RAP1B: variants seen among roughly 807,000 people sequenced by gnomAD.
The protein encoded by RAP1B is RAP1B, member of RAS oncogene family.
In RAP1B, 1 loss-of-function variant was observed where a neutral mutation model predicts 27.5. That is an observed-to-expected ratio of 0.04 (90% confidence interval 0.01 to 0.17). RAP1B has a LOEUF of 0.17. Among genes scored for constraint, RAP1B ranks in the 10% least tolerant of loss-of-function variants. The pLI, the probability that RAP1B is intolerant of heterozygous loss-of-function variation, is 1.00. For synonymous variants in RAP1B, 75 were observed against 73.1 expected (o/e 1.03, Z -0.13); for missense variants, 84 against 214.8 (o/e 0.39, Z 3.81).
chr12:68,642,746 T>C, intron 1 of RAP1B: 1 of 1,074,674 alleles, frequency 9.3e-7, no homozygotes, highest in Non-Finnish European at 1.5e-6. Context: ...AGTATATTTA[T>C]CCTCTGGCAC....
In RAP1B at chr12:68,653,397, A is replaced by G. The variant is rs189294182; in HGVS notation, c.184-715A>G. Among the ~76,000 whole-genome samples, 163 of 152,314 alleles carry G rather than the reference A, an allele frequency of 1.1e-3. 2 individuals are homozygous for G. In the East Asian group the frequency reaches 0.026, roughly 24 times the overall value. Reference sequence around the variant, plus strand: ...TACCTTCAAATGCTCACAGTCTAGCAAAGAAAAAGTAGTGTGGGAAAATGG... The same window carrying G: ...TACCTTCAAATGCTCACAGTCTAGCGAAGAAAAAGTAGTGTGGGAAAATGG... On this transcript the variant is annotated intron_variant, in intron 4 of 7. Coordinates refer to ENST00000250559, the MANE Select transcript of RAP1B (RefSeq NM_001010942.3).
chr12:68,643,448 T>A (rs1037920856), intron 1 of RAP1B, among the ~76,000 whole-genome samples: 1 of 152,204 alleles, frequency 6.6e-6, no homozygotes, highest in African/African-American at 2.4e-5. Context: ...ACATTGAGTA[T>A]TTCTTTTTCT....
intron 1 of RAP1B, among the ~76,000 whole-genome samples, chr12:68,632,298 TA>T (rs1186953159): frequency 6.6e-6 from 1 of 152,182 alleles, no homozygotes; most frequent in East Asian, 1.9e-4. Flanking sequence ...CATACCCGGC[TA>T]ACTTTTGTAT....
At position 68,670,728 on chromosome 12, in the gene RAP1B, A is replaced by G. The variant is rs1875053436; in HGVS notation, c.*11479A>G. On this transcript the variant is annotated 3_prime_UTR_variant, in exon 8 of 8. Coordinates refer to ENST00000250559, the MANE Select transcript of RAP1B (RefSeq NM_001010942.3). ...AAATTTGGGAAAGTATAGCACAGATAAAAGATTAAACTATTCACGGCCAGG... is the reference window on the plus strand; with the variant it reads ...AAATTTGGGAAAGTATAGCACAGATGAAAGATTAAACTATTCACGGCCAGG... The G allele has an allele frequency of 6.6e-6, 1 of 152,226 alleles. No homozygotes were observed. Among genetic ancestry groups the G allele is most frequent in the Non-Finnish European group, 1.5e-5 (1 of 68,036 alleles). The allele number at this position is 152,226 out of a possible 1,614,324, so 9.4% of individuals were successfully genotyped here.
At chr12:68,618,829 A>C (rs998125135) in intron 1 of RAP1B, among the ~76,000 whole-genome samples, 8 of 152,194 alleles carry the variant, frequency 5.3e-5, no homozygotes, top group African/African-American at 1.9e-4. Context: ...TCTTTAATAT[A>C]CTGTAACAAA....
chr12:68,648,932 T>A, intron 2 of RAP1B, 151 bp downstream of exon 2: 1 of 692,052 alleles, frequency 1.4e-6, no homozygotes, highest in Non-Finnish European at 2.4e-6. Context: ...TATTCAACTT[T>A]TAATTATATC....
At chr12:68,656,956 C>A in intron 6 of RAP1B, 145 bp from the exon 7 acceptor site, 1 of 717,858 alleles carries the variant, frequency 1.4e-6, no homozygotes. Flanking sequence ...GCAGTTATAA[C>A]ACCTGATTTT....
intron 1 of RAP1B, among the ~76,000 whole-genome samples, chr12:68,611,981 C>T (rs1255458981): frequency 2.6e-5 from 4 of 152,128 alleles, no homozygotes; most frequent in African/African-American, 9.7e-5. Flanking sequence ...GTTTCCTTCC[C>T]CTTCGCTTTC....
rs533752087 is a variant in RAP1B at position 68,663,836 on chromosome 12, C to T, written c.*4587C>T. 2.6e-5 allele frequency: 4 copies of T among 152,258 alleles called. No individual in the cohort carries two copies. The highest frequency in any genetic ancestry group is 1.9e-4 in the East Asian group (1 of 5,190). The allele number at this position is 152,258 out of a possible 1,614,324, so 9.4% of individuals were successfully genotyped here. On this transcript the variant is annotated 3_prime_UTR_variant, in exon 8 of 8. Coordinates refer to ENST00000250559, the MANE Select transcript of RAP1B (RefSeq NM_001010942.3). ...AGGTACAGCAGGGATTTTCTGCCCA[C>T]GTGGGGAAAACACACAGCAAATGAA...
Position 68,667,159 on chromosome 12 carries a change from A to T in RAP1B, c.*7910A>T, listed in dbSNP as rs896318035. ...ACTTTTCTTTTTCATTTTCAGACAT[A>T]TCCAGAGGGTTTTCTCTTCATCTCA... On this transcript the variant is annotated 3_prime_UTR_variant, in exon 8 of 8. Transcript: ENST00000250559. 5.9e-5 allele frequency: 9 copies of T among 152,200 alleles called. No individual in the cohort carries two copies. Among genetic ancestry groups the T allele is most frequent in the South Asian group, 2.1e-4 (1 of 4,828 alleles). The allele number at this position is 152,200 out of a possible 1,614,324, so 9.4% of individuals were successfully genotyped here. A position where few individuals can be genotyped will look rare whatever the true frequency, so the allele number is the denominator to read the frequency against.
chr12:68,644,943 A>C (rs1267188899), intron 1 of RAP1B, among the ~76,000 whole-genome samples: 1 of 151,912 alleles, frequency 6.6e-6, no homozygotes, highest in Non-Finnish European at 1.5e-5. Context: ...CAGTGATCCA[A>C]CCGCCTCGGC....
chr12:68,657,768 A>AGTG (rs1874318606), intron 7 of RAP1B: 3 of 125,922 alleles, frequency 2.4e-5, no homozygotes, highest in South Asian at 2.6e-4. Flanking sequence ...ACACACACAC[A>AGTG]CACACGTGCG....
Position 68,661,044 on chromosome 12 carries a change from T to TA in RAP1B, c.*1801dup, listed in dbSNP as rs1294518602. 6.6e-6 allele frequency: 1 copy of TA among 152,190 alleles called. No homozygotes were observed. The highest frequency in any genetic ancestry group is 1.5e-5 in the Non-Finnish European group (1 of 68,024). The allele number at this position is 152,190 out of a possible 1,614,324, so 9.4% of individuals were successfully genotyped here. ...AACTTTTTAAAAATTGTAAAGCTCT[T>TA]AAAAAACTTTTTGAAAGTATTTGCC... On this transcript the variant is annotated 3_prime_UTR_variant, in exon 8 of 8. Transcript: ENST00000250559.
Position 68,662,553 on chromosome 12 carries a change from C to T in RAP1B, c.*3304C>T, listed in dbSNP as rs1874658023. ...GGACAGCAAACTTAGAATCGAAACT[C>T]ATCACTACAACTTTTCTTTGAGTTA... On this transcript the variant is annotated 3_prime_UTR_variant, in exon 8 of 8. Coordinates refer to ENST00000250559, the MANE Select transcript of RAP1B (RefSeq NM_001010942.3). 6.6e-6 allele frequency: 1 copy of T among 151,812 alleles called. No individual in the cohort carries two copies. Among genetic ancestry groups the T allele is most frequent in the Admixed American group, 6.6e-5 (1 of 15,242 alleles). The allele number at this position is 151,812 out of a possible 1,614,324, so 9.4% of individuals were successfully genotyped here.
At chr12:68,629,953 A>G (rs139795695) in intron 1 of RAP1B, among the ~76,000 whole-genome samples, 7 of 152,328 alleles carry the variant, frequency 4.6e-5, no homozygotes, top group Non-Finnish European at 1.0e-4. Flanking sequence ...TGTTTAAAAT[A>G]TTCTACAGCA....
chr12:68,626,999 G>A (rs1871839451), intron 1 of RAP1B: 2 of 1,557,510 alleles, frequency 1.3e-6, no homozygotes, highest in Non-Finnish European at 1.8e-6. Context: ...ACTTGGTGAA[G>A]CCCCACTTCT....
Position 68,652,045 on chromosome 12 carries a change from A to G in RAP1B, c.177A>G (p.Ala59=). 1 of 1,611,884 alleles carries G rather than the reference A, an allele frequency of 6.2e-7. No homozygotes were observed. The highest frequency in any genetic ancestry group is 1.3e-5 in the African/African-American group (1 of 75,026). Residue 59 remains alanine (A), a synonymous_variant, in exon 4 of 8, where the codon GCA becomes GCG. Coordinates refer to ENST00000250559, the MANE Select transcript of RAP1B (RefSeq NM_001010942.3). ...QQCMLEILDT[A]GTEQFTAMRD... ...GTATGCTTGAAATCTTGGATACTGCAGGAACGGTAGGTAAAACTAAATACC... is the reference window on the plus strand; with the variant it reads ...GTATGCTTGAAATCTTGGATACTGCGGGAACGGTAGGTAAAACTAAATACC...
At chr12:68,642,482 A>G in intron 1 of RAP1B, 1 of 856,610 alleles carries the variant, frequency 1.2e-6, no homozygotes, top group South Asian at 1.5e-5. Flanking sequence ...AATGTGTAAT[A>G]CAAGGGCCAG....
intron 6 of RAP1B, chr12:68,656,761 A>C (rs1343603995): frequency 7.6e-6 from 4 of 525,330 alleles, no homozygotes; most frequent in Non-Finnish European, 1.3e-5. Flanking sequence ...AAAATTCCGA[A>C]AAGTATGCAT....
Sources: allele counts gnomAD v4.1 joint callset (sites outside exome capture counted in the v4.1 genomes callset), GRCh38; gene constraint gnomAD v4.1.1; transcripts MANE v1.5; gene names NCBI Gene and HGNC (gene_info 2026-07-23, HGNC 2026-07-21).